RAD51B: variants seen among roughly 807,000 people sequenced by gnomAD.
RAD51B encodes DNA repair protein RAD51 homolog 2.
In RAD51B, 38 loss-of-function variants were observed where a neutral mutation model predicts 42.2. That is an observed-to-expected ratio of 0.90 (90% CI 0.70 to 1.18). RAD51B has a LOEUF of 1.18. RAD51B is among the 50% of genes most tolerant of loss of function. The pLI is 0.00. For missense variants in RAD51B, 373 were observed against 400.7 expected, an observed-to-expected ratio of 0.93 and a Z score of 0.59; for synonymous variants, 154 against 145.2, an observed-to-expected ratio of 1.06 and a Z score of -0.43.
At chr14:68,173,489 G>A (rs942108192) in intron 7 of RAD51B, among the ~76,000 whole-genome samples, 10 of 152,210 alleles carry the variant, frequency 6.6e-5, no homozygotes, top group African/African-American at 2.4e-4. Flanking sequence ...TGAATGAGAA[G>A]TCCTACTCAG....
intron 7 of RAD51B, among the ~76,000 whole-genome samples, chr14:68,239,033 T>G (rs918231135): frequency 1.2e-4 from 19 of 152,174 alleles, no homozygotes; most frequent in African/African-American, 4.6e-4. Flanking sequence ...TGACAAATAT[T>G]TATCAAATAG....
At chr14:68,224,675 A>G (rs2079999454) in intron 7 of RAD51B, among the ~76,000 whole-genome samples, 1 of 152,138 alleles carries the variant, frequency 6.6e-6, no homozygotes, top group Admixed American at 6.5e-5. Flanking sequence ...TATGCAAACA[A>G]CAAAAGACAT....
chr14:67,833,729 T>C (rs544110731), intron 3 of RAD51B, among the ~76,000 whole-genome samples: 2 of 152,358 alleles, frequency 1.3e-5, no homozygotes, highest in South Asian at 4.1e-4. Flanking sequence ...AGATCAATGT[T>C]GACCAGGGGT....
intron 10 of RAD51B, among the ~76,000 whole-genome samples, chr14:68,633,598 G>A (rs1892281262): frequency 6.6e-6 from 1 of 152,290 alleles, no homozygotes; most frequent in African/African-American, 2.4e-5. Context: ...CTGTTCTCCA[G>A]CCCACAAGAG....
intron 10 of RAD51B, among the ~76,000 whole-genome samples, chr14:68,559,761 C>A (rs1469367893): frequency 6.6e-6 from 1 of 152,162 alleles, no homozygotes; most frequent in Non-Finnish European, 1.5e-5. Context: ...GCAATTTTCC[C>A]ACTAAAGCAA....
At chr14:68,343,432 G>A (rs1216506324) in intron 8 of RAD51B, among the ~76,000 whole-genome samples, 3 of 152,144 alleles carry the variant, frequency 2.0e-5, no homozygotes, top group Admixed American at 6.5e-5. Flanking sequence ...ATAATGTTGT[G>A]TAATTTTCCC....
chr14:67,924,405 A>G (rs1273599158), intron 7 of RAD51B, among the ~76,000 whole-genome samples: 1 of 152,300 alleles, frequency 6.6e-6, no homozygotes, highest in East Asian at 1.9e-4. Context: ...ATTTTTGTAT[A>G]AAGTGTGTCT....
At chr14:68,647,769 C>G (rs973740704) in intron 10 of RAD51B, among the ~76,000 whole-genome samples, 21 of 152,020 alleles carry the variant, frequency 1.4e-4, no homozygotes, top group Admixed American at 2.6e-4. Context: ...ACCTCTGCCT[C>G]CCAGGTTCAA....
chr14:67,943,677 TATTG>T (rs1260401133), intron 7 of RAD51B, among the ~76,000 whole-genome samples: 2 of 152,180 alleles, frequency 1.3e-5, no homozygotes, highest in African/African-American at 2.4e-5. Flanking sequence ...CATGGTGGCA[TATTG>T]ATTAAGTACT....
At chr14:68,501,832 G>A (rs1455403933) in intron 10 of RAD51B, among the ~76,000 whole-genome samples, 1 of 152,280 alleles carries the variant, frequency 6.6e-6, no homozygotes, top group African/African-American at 2.4e-5. Flanking sequence ...GCATGGGGTG[G>A]GCTGTGACAT....
chr14:67,839,151 G>T (rs1375207238), intron 4 of RAD51B, among the ~76,000 whole-genome samples: 1 of 152,000 alleles, frequency 6.6e-6, no homozygotes, highest in Non-Finnish European at 1.5e-5. Flanking sequence ...TTTCCTTTTA[G>T]TAGTGTCTTT....
At chr14:68,284,942 G>A (rs1321311651) in intron 7 of RAD51B, among the ~76,000 whole-genome samples, 1 of 152,192 alleles carries the variant, frequency 6.6e-6, no homozygotes, top group Non-Finnish European at 1.5e-5. Context: ...GCGTCTGGGA[G>A]CGTGGCCTTT....
chr14:68,595,137 G>A (rs879620265), exon 11 of RAD51B: 31 of 1,066,636 alleles, frequency 2.9e-5, no homozygotes, highest in African/African-American at 6.5e-5. Context: ...TGTTAGGAGC[G>A]CTGGAACGTT....
chr14:68,315,818 A>G (rs181761428), intron 8 of RAD51B, among the ~76,000 whole-genome samples: 31 of 152,312 alleles, frequency 2.0e-4, no homozygotes, highest in East Asian at 1.5e-3. Context: ...CACTGCACCC[A>G]GCCCCTAAAA....
At chr14:68,143,636 C>A (rs574037060) in intron 7 of RAD51B, among the ~76,000 whole-genome samples, 7 of 152,340 alleles carry the variant, frequency 4.6e-5, no homozygotes, top group African/African-American at 1.7e-4. Context: ...TGTCTCTCTC[C>A]CTTTATATTT....
At chr14:67,893,706 G>A (rs2043312100) in intron 7 of RAD51B, among the ~76,000 whole-genome samples, 1 of 151,900 alleles carries the variant, frequency 6.6e-6, no homozygotes, top group Non-Finnish European at 1.5e-5. Context: ...ATAAATAAAT[G>A]AAAAGGAGAG....
intron 9 of RAD51B, among the ~76,000 whole-genome samples, chr14:68,426,006 T>C (rs2084834821): frequency 7.4e-6 from 1 of 135,846 alleles, no homozygotes; most frequent in Non-Finnish European, 1.5e-5. Flanking sequence ...CTTCCTTCCT[T>C]CCTTTCTTTC....
intron 8 of RAD51B, among the ~76,000 whole-genome samples, chr14:68,344,539 C>T (rs902903569): frequency 6.6e-6 from 1 of 151,932 alleles, no homozygotes; most frequent in Non-Finnish European, 1.5e-5. Context: ...CCCAGCTACT[C>T]GGGAAGCTGA....
intron 7 of RAD51B, among the ~76,000 whole-genome samples, chr14:67,972,451 G>A (rs1343233944): frequency 6.6e-6 from 1 of 152,046 alleles, no homozygotes; most frequent in Non-Finnish European, 1.5e-5. Flanking sequence ...TGTTACACAA[G>A]GAAGAATTAT....
Sources: allele counts gnomAD v4.1 joint callset (sites outside exome capture counted in the v4.1 genomes callset), GRCh38; gene constraint gnomAD v4.1.1; transcripts MANE v1.5; gene names NCBI Gene and HGNC (gene_info 2026-07-23, HGNC 2026-07-21).